The following KIF4A variants were observed in gnomAD, a reference collection of about 807,000 sequenced individuals.
KIF4A encodes the protein kinesin family member 4A, also known as chromosome-associated kinesin KIF4A.
In KIF4A, 7 loss-of-function variants were observed where a neutral mutation model predicts 105.9. The ratio of observed to expected loss-of-function variants is 0.07; its 90% CI spans 0.04 to 0.12. The LOEUF is 0.12. Among genes scored for constraint, KIF4A ranks in the 10% least tolerant of loss-of-function variants. KIF4A has a pLI of 1.00. For synonymous variants in KIF4A, 281 were observed against 331.3 expected, an observed-to-expected ratio of 0.85 and a Z score of 1.65; for missense variants, 558 against 929.2, an observed-to-expected ratio of 0.60 and a Z score of 5.19.
chrX:70,290,906 A>T, intron 3 of KIF4A, 101 bp downstream of exon 3: 1 of 536,387 alleles, frequency 1.9e-6, no homozygotes, highest in Non-Finnish European at 3.1e-6. Flanking sequence ...GAATCGATGA[A>T]TCATGATTCC....
intron 29 of KIF4A, 72 bp from the exon 30 acceptor site, chrX:70,419,589 T>C (rs1243074297): frequency 8.6e-6 from 10 of 1,165,679 alleles, no homozygotes; most frequent in African/African-American, 1.8e-5. Flanking sequence ...ACCTCTTTGG[T>C]TGAATGGGAG....
chrX:70,302,426 T>A, intron 7 of KIF4A, 28 bp downstream of exon 7: 1 of 1,186,272 alleles, frequency 8.4e-7, no homozygotes, highest in South Asian at 1.8e-5. Flanking sequence ...GTCACAGTTG[T>A]AGATTAAAAA....
chrX:70,402,701 C>CA lies in KIF4A; in HGVS notation c.2619+7dup, dbSNP rs768681922. ...TGAAATATTTGATTGGAGAGGTAAA[C>CA]ATCACTCTAACCAGCAGTTAGGAGG... is the stretch of plus-strand genomic sequence containing the variant. On this transcript the variant is annotated splice_region_variant and intron_variant, in intron 23 of 30. Coordinates refer to ENST00000374403, the MANE Select transcript of KIF4A (RefSeq NM_012310.5). The CA allele has an allele frequency of 7.8e-5, 94 of 1,205,084 alleles. 1 individual carries two copies. The Middle Eastern group carries it at 4.6e-3, about 59-fold the overall frequency.
chrX:70,351,678 A>C (rs936082201), intron 13 of KIF4A, among the ~76,000 whole-genome samples: 12 of 112,466 alleles, frequency 1.1e-4, no homozygotes, highest in Non-Finnish European at 2.3e-4. Context: ...TCTGACTTCA[A>C]GAGCACACTT....
At chrX:70,379,149 C>T (rs1279103365) in intron 18 of KIF4A, among the ~76,000 whole-genome samples, 3 of 100,257 alleles carry the variant, frequency 3.0e-5, no homozygotes, top group African/African-American at 1.1e-4. Context: ...GGCAACAGAG[C>T]GAGACTCCAT....
chrX:70,316,166 A>C (rs900846603), intron 7 of KIF4A, among the ~76,000 whole-genome samples: 1 of 111,969 alleles, frequency 8.9e-6, no homozygotes, highest in African/African-American at 3.2e-5. Context: ...AGATGCTACC[A>C]AACTCCCATG....
chrX:70,368,296 T>C (rs2086114175), intron 15 of KIF4A, among the ~76,000 whole-genome samples: 1 of 112,432 alleles, frequency 8.9e-6, no homozygotes, highest in Admixed American at 9.4e-5. Flanking sequence ...GGTGAGGAGC[T>C]GCGTTCCTTT....
In KIF4A at chrX:70,290,945, C is replaced by T; in HGVS notation, c.235+140C>T. ...CTTCAAGAAGCCCTTAGCCTAATAA[C>T]ATTTGTCAACGTCTCTGTACCCTTG... On this transcript the variant is annotated intron_variant, in intron 3 of 30. Transcript: ENST00000374403. 4 of 452,178 alleles carry T rather than the reference C, an allele frequency of 8.8e-6. No homozygotes were observed. In the South Asian group the frequency reaches 1.4e-4, roughly 16 times the overall value. 37.3% of individuals were successfully genotyped at this position (452,178 alleles called of 1,213,427 possible).
intron 7 of KIF4A, among the ~76,000 whole-genome samples, chrX:70,327,952 A>G (rs1181896012): frequency 8.9e-6 from 1 of 111,854 alleles, no homozygotes; most frequent in Non-Finnish European, 1.9e-5. Context: ...TTGAAGGTCC[A>G]GAAGAGGCTG....
intron 7 of KIF4A, among the ~76,000 whole-genome samples, chrX:70,321,759 A>T (rs1037588670): frequency 9.0e-6 from 1 of 110,749 alleles, no homozygotes; most frequent in Admixed American, 9.6e-5. Flanking sequence ...CTTTCATTCT[A>T]CATTTTTGTC....
Position 70,361,672 on chromosome X carries a change from A to G in KIF4A, c.1674+7865A>G, listed in dbSNP as rs745540410. On this transcript the variant is annotated intron_variant, in intron 15 of 30. Coordinates refer to ENST00000374403, the MANE Select transcript of KIF4A (RefSeq NM_012310.5). ...TAGGGAATGCACTTGTAAGACAAGG[A>G]CTGCTGGGACAGCAGGTAAAGAACC... 9.3e-5 allele frequency: 14 copies of G among 150,956 alleles called. No homozygotes were observed. In the South Asian group the frequency reaches 2.2e-3, roughly 24 times the overall value. 12.4% of individuals were successfully genotyped at this position (150,956 alleles called of 1,213,427 possible). A position where few individuals can be genotyped will look rare whatever the true frequency, so the allele number is the denominator to read the frequency against.
chrX:70,380,125 G>A (rs776770198), intron 18 of KIF4A, among the ~76,000 whole-genome samples: 5 of 111,408 alleles, frequency 4.5e-5, no homozygotes, highest in Non-Finnish European at 7.5e-5. Context: ...CCAACATGGC[G>A]AAACCCTGTC....
rs140940256 is a variant in KIF4A at position 70,388,008 on chromosome X, T to A, written c.2232+711T>A. ...CTCTGTAATCCCTTCTTCTTATCCCTCTGTAATCCCTTCTTCTCCTCCCTG... is the reference window on the plus strand; with the variant it reads ...CTCTGTAATCCCTTCTTCTTATCCCACTGTAATCCCTTCTTCTCCTCCCTG... On this transcript the variant is annotated intron_variant, in intron 20 of 30. Coordinates refer to ENST00000374403, the MANE Select transcript of KIF4A (RefSeq NM_012310.5). Among the ~76,000 whole-genome samples the A allele has an allele frequency of 4.2e-3, 465 of 111,484 alleles. 1 individual carries two copies. The highest frequency in any genetic ancestry group is 6.8e-3 in the Non-Finnish European group (362 of 53,066).
chrX:70,351,577 G>A (rs2086030686), intron 13 of KIF4A, among the ~76,000 whole-genome samples: 1 of 110,893 alleles, frequency 9.0e-6, no homozygotes, highest in South Asian at 3.8e-4. Context: ...ATGTGGTATG[G>A]TATACACACA....
chrX:70,388,513 A>T (rs1339734831), intron 20 of KIF4A, among the ~76,000 whole-genome samples: 1 of 111,964 alleles, frequency 8.9e-6, no homozygotes, highest in Non-Finnish European at 1.9e-5. Context: ...CCTACTAGCA[A>T]TGTATAAGGG....
intron 7 of KIF4A, among the ~76,000 whole-genome samples, chrX:70,317,843 C>G (rs1251073695): frequency 9.3e-6 from 1 of 107,212 alleles, no homozygotes; most frequent in Non-Finnish European, 1.9e-5. Context: ...CACACCTGGC[C>G]CCCCTTGCTT....
At chrX:70,373,500 A>C (rs181538719) in intron 15 of KIF4A, among the ~76,000 whole-genome samples, 1,314 of 63,601 alleles carry the variant, frequency 0.021, 47 homozygotes, top group East Asian at 0.055. Flanking sequence ...CCTGGGCAAC[A>C]TATATATATA....
chrX:70,384,292 G>A (rs1300402704), intron 18 of KIF4A, among the ~76,000 whole-genome samples: 1 of 111,745 alleles, frequency 8.9e-6, no homozygotes, highest in Admixed American at 9.6e-5. Flanking sequence ...AATGAAGGAA[G>A]TAGGGCAACA....
At chrX:70,311,310 C>T (rs1312357322) in intron 7 of KIF4A, among the ~76,000 whole-genome samples, 1 of 111,510 alleles carries the variant, frequency 9.0e-6, no homozygotes, top group Non-Finnish European at 1.9e-5. Flanking sequence ...TCACATTTGA[C>T]AGATTAACTC....
Sources: allele counts gnomAD v4.1 joint callset (sites outside exome capture counted in the v4.1 genomes callset), GRCh38; gene constraint gnomAD v4.1.1; transcripts MANE v1.5; gene names NCBI Gene and HGNC (gene_info 2026-07-23, HGNC 2026-07-21).